APBA2: variants seen among roughly 807,000 people sequenced by gnomAD.
APBA2 encodes amyloid beta precursor protein binding family A member 2.
A neutral mutation model predicts 75.0 loss-of-function variants in APBA2; 30 were observed. That is an observed-to-expected ratio of 0.40 (90% CI 0.30 to 0.54). APBA2 has a LOEUF of 0.54. APBA2 is among the 20% of genes least tolerant of loss of function. The pLI is 0.49. For synonymous variants in APBA2, 444 were observed against 409.6 expected (o/e 1.08, Z -1.01); for missense variants, 801 against 1,016.1 (o/e 0.79, Z 2.88).
At chr15:29,071,413 G>A (rs1595890757) in intron 4 of APBA2, among the ~76,000 whole-genome samples, 2 of 151,676 alleles carry the variant, frequency 1.3e-5, no homozygotes, top group Non-Finnish European at 2.9e-5. Context: ...TGTGCCTGCC[G>A]CCTTCTCCGA....
At chr15:28,914,324 A>T (rs1313426173) in intron 1 of APBA2, among the ~76,000 whole-genome samples, 1 of 152,120 alleles carries the variant, frequency 6.6e-6, no homozygotes, top group African/African-American at 2.4e-5. Context: ...GTGACTTTTG[A>T]AGGGAAAGCA....
chr15:28,957,684 G>A (rs543031626), intron 2 of APBA2, among the ~76,000 whole-genome samples: 3 of 152,312 alleles, frequency 2.0e-5, no homozygotes, highest in African/African-American at 7.2e-5. Flanking sequence ...GGAGCACTGT[G>A]GCCTGGTGAG....
chr15:28,926,007 G>C (rs898930277), intron 2 of APBA2, among the ~76,000 whole-genome samples: 1 of 152,112 alleles, frequency 6.6e-6, no homozygotes, highest in African/African-American at 2.4e-5. Flanking sequence ...AACTTACTTT[G>C]ATTAGAGTTA....
At chr15:29,112,120 C>T (rs1313859829) in intron 13 of APBA2, among the ~76,000 whole-genome samples, 1 of 152,306 alleles carries the variant, frequency 6.6e-6, no homozygotes, top group African/African-American at 2.4e-5. Context: ...AGGCCCTTCG[C>T]CTGAAGTCCT....
At chr15:28,941,094 C>G (rs969819197) in intron 2 of APBA2, among the ~76,000 whole-genome samples, 4 of 152,052 alleles carry the variant, frequency 2.6e-5, no homozygotes, top group African/African-American at 7.2e-5. Context: ...GCTAGGGAAC[C>G]AATTATATAT....
At chr15:29,094,176 C>T in intron 7 of APBA2, 102 bp from the exon 8 acceptor site, 1 of 1,292,538 alleles carries the variant, frequency 7.7e-7, no homozygotes, top group Non-Finnish European at 1.1e-6. Flanking sequence ...TGCTAGGCAC[C>T]AGACCTGAGA....
intron 1 of APBA2, among the ~76,000 whole-genome samples, chr15:28,921,193 A>C (rs2033952203): frequency 6.6e-6 from 1 of 152,224 alleles, no homozygotes; most frequent in African/African-American, 2.4e-5. Context: ...AGTTGGGAAC[A>C]GAACCCTGAT....
intron 2 of APBA2, among the ~76,000 whole-genome samples, chr15:28,938,012 T>A (rs1352074393): frequency 6.6e-6 from 1 of 152,188 alleles, no homozygotes. Flanking sequence ...TGTCTTTAGC[T>A]CCAGCCAGTC....
chr15:29,020,943 G>A (rs187897871), intron 3 of APBA2, among the ~76,000 whole-genome samples: 2 of 152,158 alleles, frequency 1.3e-5, no homozygotes, highest in Admixed American at 1.3e-4. Context: ...CTGTTACTGC[G>A]GCACGAACCT....
At position 29,117,239 on chromosome 15, in the gene APBA2, A is replaced by G. The variant is rs943765725; in HGVS notation, c.*106A>G. ...TTGACCCCGACGCCACAGCCCAGCC[A>G]CGGACGCTGGCTCCCCAAAGGGTGT... is the stretch of plus-strand genomic sequence containing the variant. On this transcript the variant is annotated 3_prime_UTR_variant, in exon 15 of 15. Transcript: ENST00000683413. 16 of 1,082,170 alleles carry G rather than the reference A, an allele frequency of 1.5e-5. No homozygotes were observed. Among genetic ancestry groups the G allele is most frequent in the Non-Finnish European group, 1.7e-5 (12 of 709,962 alleles). The allele number at this position is 1,082,170 out of a possible 1,614,324, so 67.0% of individuals were successfully genotyped here.
intron 4 of APBA2, among the ~76,000 whole-genome samples, chr15:29,071,529 C>G (rs918133531): frequency 2.0e-5 from 3 of 150,478 alleles, no homozygotes; most frequent in Non-Finnish European, 4.4e-5. Context: ...TGGCTGGCAT[C>G]TTGTTTTGAG....
chr15:28,939,724 A>G (rs1344681063), intron 2 of APBA2, among the ~76,000 whole-genome samples: 1 of 152,182 alleles, frequency 6.6e-6, no homozygotes, highest in Non-Finnish European at 1.5e-5. Flanking sequence ...GACAGGTGCC[A>G]AGGGTCACTG....
intron 2 of APBA2, among the ~76,000 whole-genome samples, chr15:28,956,291 C>G (rs1281854260): frequency 6.6e-6 from 1 of 151,954 alleles, no homozygotes; most frequent in African/African-American, 2.4e-5. Context: ...AGCACGAGTG[C>G]CATGGACCCC....
chr15:29,010,410 C>G (rs1332186894), intron 3 of APBA2, among the ~76,000 whole-genome samples: 1 of 152,124 alleles, frequency 6.6e-6, no homozygotes, highest in South Asian at 2.1e-4. Flanking sequence ...AGGCGCCCGC[C>G]ACCAGCCCGG....
chr15:28,993,208 C>T (rs2038329658), intron 2 of APBA2, among the ~76,000 whole-genome samples: 1 of 152,206 alleles, frequency 6.6e-6, no homozygotes, highest in Non-Finnish European at 1.5e-5. Flanking sequence ...CAGGGACTTC[C>T]CGGCTCTCGT....
chr15:29,114,936 C>T (rs911497189), intron 14 of APBA2, among the ~76,000 whole-genome samples: 2 of 149,558 alleles, frequency 1.3e-5, no homozygotes, highest in African/African-American at 2.5e-5. Context: ...TGTATGTGTG[C>T]ACGGCTGTGG....
intron 4 of APBA2, 108 bp from the exon 5 acceptor site, chr15:29,074,813 A>G (rs1264335187): frequency 2.3e-6 from 2 of 880,100 alleles, no homozygotes; most frequent in African/African-American, 1.7e-5. Flanking sequence ...ATACACATAC[A>G]GACATACACA....
chr15:29,038,952 G>A (rs1196863786), intron 3 of APBA2, among the ~76,000 whole-genome samples: 2 of 152,122 alleles, frequency 1.3e-5, no homozygotes, highest in African/African-American at 4.8e-5. Flanking sequence ...GATTACAGGT[G>A]TGAGCCACTA....
At chr15:28,931,802 A>G (rs1165008239) in intron 2 of APBA2, among the ~76,000 whole-genome samples, 1 of 152,260 alleles carries the variant, frequency 6.6e-6, no homozygotes. Context: ...TAAAATTACA[A>G]TTTTAGTCTT....
Sources: allele counts gnomAD v4.1 joint callset (sites outside exome capture counted in the v4.1 genomes callset), GRCh38; gene constraint gnomAD v4.1.1; transcripts MANE v1.5; gene names NCBI Gene and HGNC (gene_info 2026-07-23, HGNC 2026-07-21).